Variants in LYPD6 observed in about 807,000 individuals in gnomAD.
LYPD6 encodes the protein LY6/PLAUR domain containing 6, also known as ly6/PLAUR domain-containing protein 6.
In LYPD6, 15 loss-of-function variants were observed where a neutral mutation model predicts 22.7. The observed-to-expected ratio is 0.66, with a 90% CI of 0.44 to 1.02. The LOEUF is 1.02. LYPD6 is among the 50% of genes least tolerant of loss of function. LYPD6 has a pLI of 0.00. For missense variants in LYPD6, 189 were observed against 208.4 expected (o/e 0.91, Z 0.57); for synonymous variants, 72 against 77.5 (o/e 0.93, Z 0.37).
chr2:149,347,186 A>T (rs966516831), intron 1 of LYPD6, among the ~76,000 whole-genome samples: 2 of 151,992 alleles, frequency 1.3e-5, no homozygotes, highest in Non-Finnish European at 2.9e-5. Context: ...GAGGAGGAGG[A>T]GGTGGAGGAA....
At chr2:149,407,063 C>A (rs1401505329) in intron 1 of LYPD6, among the ~76,000 whole-genome samples, 2 of 152,152 alleles carry the variant, frequency 1.3e-5, no homozygotes, top group African/African-American at 4.8e-5. Context: ...TATTGGCCCC[C>A]ACTCTCTTCT....
At chr2:149,449,431 C>A (rs911673301) in intron 3 of LYPD6, among the ~76,000 whole-genome samples, 7 of 152,212 alleles carry the variant, frequency 4.6e-5, no homozygotes, top group Non-Finnish European at 7.3e-5. Context: ...GAAAAGAGAA[C>A]AGCCAGTCTG....
At position 149,449,044 on chromosome 2, in the gene LYPD6, T is replaced by A; in HGVS notation, c.119-5T>A. ...TTAATCTTTTCTCTTAATCCTTTTT[T>A]TTAGCCACACCATATCCTGGTGGAT... On this transcript the variant is annotated splice_region_variant and splice_polypyrimidine_tract_variant and intron_variant, in intron 2 of 4. Transcript: ENST00000334166. The A allele has an allele frequency of 3.1e-6, 5 of 1,606,698 alleles. No homozygotes were observed. The highest frequency in any genetic ancestry group is 4.3e-6 in the Non-Finnish European group (5 of 1,174,922).
chr2:149,476,624 GT>G (rs1300161464), downstream of LYPD6, among the ~76,000 whole-genome samples: 4 of 152,172 alleles, frequency 2.6e-5, no homozygotes, highest in Non-Finnish European at 5.9e-5. Context: ...CCACCAGGAT[GT>G]AGCCATGATG....
chr2:149,486,133 C>G, the LYPD6 span, among the ~76,000 whole-genome samples: 1 of 152,108 alleles, frequency 6.6e-6, no homozygotes, highest in Non-Finnish European at 1.5e-5. Context: ...TTCCAGTTTA[C>G]TATTTTTTAA....
intron 1 of LYPD6, among the ~76,000 whole-genome samples, chr2:149,423,797 A>G (rs1559147238): frequency 6.6e-6 from 1 of 151,724 alleles, no homozygotes; most frequent in Non-Finnish European, 1.5e-5. Context: ...CACTGTTCAA[A>G]TAAGTGTGGG....
intron 3 of LYPD6, among the ~76,000 whole-genome samples, chr2:149,456,436 C>T (rs745345381): frequency 3.9e-5 from 6 of 152,206 alleles, no homozygotes; most frequent in Admixed American, 6.5e-5. Context: ...CACCAAGGGT[C>T]GCTGTTATAG....
At chr2:149,429,773 G>A (rs973120131) in intron 1 of LYPD6, among the ~76,000 whole-genome samples, 4 of 152,226 alleles carry the variant, frequency 2.6e-5, no homozygotes, top group Admixed American at 6.5e-5. Context: ...GAAGGGAGGA[G>A]CTGGGATTGG....
intron 1 of LYPD6, among the ~76,000 whole-genome samples, chr2:149,360,669 C>T (rs1286464886): frequency 6.6e-6 from 1 of 151,540 alleles, no homozygotes; most frequent in African/African-American, 2.4e-5. Context: ...CTGCCTTCTG[C>T]AGTCCACTGT....
intron 1 of LYPD6, among the ~76,000 whole-genome samples, chr2:149,391,802 A>T (rs949567230): frequency 6.6e-6 from 1 of 152,180 alleles, no homozygotes; most frequent in African/African-American, 2.4e-5. Flanking sequence ...TTAGAAGGAA[A>T]TGTGGCTATG....
intron 1 of LYPD6, among the ~76,000 whole-genome samples, chr2:149,388,054 T>C (rs1345317003): frequency 6.6e-6 from 1 of 152,248 alleles, no homozygotes; most frequent in African/African-American, 2.4e-5. Flanking sequence ...CGAGCCTTAC[T>C]TAAATCACCT....
chr2:149,357,958 G>C (rs975385190), intron 1 of LYPD6, among the ~76,000 whole-genome samples: 3 of 151,630 alleles, frequency 2.0e-5, no homozygotes, highest in Non-Finnish European at 4.4e-5. Context: ...GCTAATTCTT[G>C]GATTTTTAGT....
chr2:149,391,830 G>A (rs1408452731), intron 1 of LYPD6, among the ~76,000 whole-genome samples: 3 of 152,142 alleles, frequency 2.0e-5, no homozygotes, highest in Non-Finnish European at 4.4e-5. Context: ...CTATTGGTGG[G>A]GAAATAGAAA....
At chr2:149,422,714 T>G (rs1683106974) in intron 1 of LYPD6, among the ~76,000 whole-genome samples, 1 of 152,158 alleles carries the variant, frequency 6.6e-6, no homozygotes, top group Non-Finnish European at 1.5e-5. Context: ...ATTCCTCTTA[T>G]CTCACTGACA....
chr2:149,418,027 G>T lies in LYPD6; in HGVS notation c.-71-19611G>T, dbSNP rs1362722948. 4.6e-5 allele frequency among the ~76,000 whole-genome samples: 7 copies of T among 152,346 alleles called. No individual in the cohort carries two copies. The East Asian group carries it at 1.4e-3, about 29-fold the overall frequency. On this transcript the variant is annotated intron_variant, in intron 1 of 4. Coordinates refer to ENST00000334166, the MANE Select transcript of LYPD6 (RefSeq NM_194317.5). ...TTGCAGTGTAATAAATATTGGAGGA[G>T]AAATGCTTTGTTCACTCGTCTTGTG...
intron 1 of LYPD6, among the ~76,000 whole-genome samples, chr2:149,339,239 C>T (rs1469134829): frequency 6.6e-6 from 1 of 152,184 alleles, no homozygotes; most frequent in Non-Finnish European, 1.5e-5. Flanking sequence ...GGAACTCCTG[C>T]TTGCCATCAG....
chr2:149,430,338 G>A (rs1400426588), intron 1 of LYPD6, among the ~76,000 whole-genome samples: 1 of 152,092 alleles, frequency 6.6e-6, no homozygotes, highest in Non-Finnish European at 1.5e-5. Flanking sequence ...GACCTCAGTT[G>A]ATCCTCCTGC....
chr2:149,378,897 A>G (rs866044621), intron 1 of LYPD6, among the ~76,000 whole-genome samples: 14 of 152,222 alleles, frequency 9.2e-5, no homozygotes, highest in Non-Finnish European at 7.3e-5. Context: ...GTGTTTAGCC[A>G]AGGTCCTTGA....
At chr2:149,416,102 A>G (rs1682956692) in intron 1 of LYPD6, among the ~76,000 whole-genome samples, 1 of 152,174 alleles carries the variant, frequency 6.6e-6, no homozygotes, top group African/African-American at 2.4e-5. Flanking sequence ...CGTGACTTCC[A>G]TGGGCTGCTT....
Sources: allele counts gnomAD v4.1 joint callset (sites outside exome capture counted in the v4.1 genomes callset), GRCh38; gene constraint gnomAD v4.1.1; transcripts MANE v1.5; gene names NCBI Gene and HGNC (gene_info 2026-07-23, HGNC 2026-07-21).